The following GREB1L variants were observed in gnomAD, a reference collection of about 807,000 sequenced individuals.
GREB1L encodes the protein GREB1-like protein.
A neutral mutation model predicts 200.8 loss-of-function variants in GREB1L; 17 were observed. The ratio of observed to expected loss-of-function variants is 0.08; its 90% confidence interval spans 0.06 to 0.13. The LOEUF is 0.13. Ranked by LOEUF, GREB1L falls within the 10% of genes least tolerant of loss-of-function variation. The pLI is 1.00. For synonymous variants in GREB1L, 789 were observed against 893.0 expected (o/e 0.88, Z 2.08); for missense variants, 1,657 against 2,367.7 (o/e 0.70, Z 6.23).
chr18:21,365,623 A>G (rs2039660857), intron 1 of GREB1L, among the ~76,000 whole-genome samples: 1 of 152,116 alleles, frequency 6.6e-6, no homozygotes, highest in African/African-American at 2.4e-5. Context: ...GCCGGGTATC[A>G]GGGATTATTA....
chr18:21,377,713 A>G (rs571622584), intron 2 of GREB1L, among the ~76,000 whole-genome samples: 1 of 152,044 alleles, frequency 6.6e-6, no homozygotes, highest in Non-Finnish European at 1.5e-5. Flanking sequence ...AAATTTTTTT[A>G]AAAAATAGTT....
At chr18:21,456,012 T>C (rs2034747740) in intron 15 of GREB1L, among the ~76,000 whole-genome samples, 1 of 148,672 alleles carries the variant, frequency 6.7e-6, no homozygotes, top group Non-Finnish European at 1.5e-5. Context: ...CAAGCAATTC[T>C]CCTGCCTCAG....
intron 1 of GREB1L, among the ~76,000 whole-genome samples, chr18:21,303,366 C>T (rs2038649069): frequency 6.6e-6 from 1 of 152,040 alleles, no homozygotes; most frequent in Non-Finnish European, 1.5e-5. Flanking sequence ...GAGAAAAGTT[C>T]CCAAATGGAA....
At chr18:21,500,743 C>A in intron 23 of GREB1L, 101 bp downstream of exon 23, 1 of 780,674 alleles carries the variant, frequency 1.3e-6, no homozygotes, top group Non-Finnish European at 2.0e-6. Flanking sequence ...TTCTACAGTA[C>A]CTAACCTGCA....
chr18:21,374,366 C>T (rs2039990486), intron 2 of GREB1L, among the ~76,000 whole-genome samples: 1 of 152,064 alleles, frequency 6.6e-6, no homozygotes, highest in South Asian at 2.1e-4. Flanking sequence ...TGGAGTATTC[C>T]CTGCCCCAGA....
chr18:21,490,313 G>A lies in GREB1L; in HGVS notation c.2992G>A (p.Glu998Lys), dbSNP rs758445815. ...FEIILGNPAT[E>K]LSVATHFVAR... ...GATCATCCTTGGGAACCCGGCCACC[G>A]AACTCAGTGTTGCAACTCACTTTGT... The change falls in exon 19 of 33, where the codon GAA becomes AAA. Residue 998 changes from glutamate to lysine, a missense_variant. Coordinates refer to ENST00000424526, the MANE Select transcript of GREB1L (RefSeq NM_001142966.3). 144 of 1,551,652 alleles carry A rather than the reference G, an allele frequency of 9.3e-5. 1 individual carries two copies. The East Asian group carries it at 2.1e-3, about 22-fold the overall frequency.
chr18:21,252,185 TAGAACTTTAA>T (rs1192729331), intron 1 of GREB1L, among the ~76,000 whole-genome samples: 1 of 152,230 alleles, frequency 6.6e-6, no homozygotes, highest in Admixed American at 6.5e-5. Flanking sequence ...GATATTACTA[TAGAACTTTAA>T]TCAACATTAA....
At chr18:21,409,453 G>C (rs2030694244) in intron 7 of GREB1L, among the ~76,000 whole-genome samples, 1 of 152,184 alleles carries the variant, frequency 6.6e-6, no homozygotes, top group African/African-American at 2.4e-5. Flanking sequence ...GATTTATGGT[G>C]ATGGTTACAC....
intron 1 of GREB1L, among the ~76,000 whole-genome samples, chr18:21,323,739 C>T (rs545942942): frequency 1.5e-4 from 23 of 152,196 alleles, no homozygotes; most frequent in Non-Finnish European, 2.8e-4. Context: ...AGCAAGACCC[C>T]ATCTCTAAAA....
intron 1 of GREB1L, among the ~76,000 whole-genome samples, chr18:21,294,769 AT>A (rs2038501452): frequency 6.6e-6 from 1 of 152,208 alleles, no homozygotes; most frequent in Non-Finnish European, 1.5e-5. Context: ...AGTCATTAGC[AT>A]TCTCATTTCA....
At chr18:21,340,816 T>A (rs2039259188) in intron 1 of GREB1L, among the ~76,000 whole-genome samples, 1 of 152,172 alleles carries the variant, frequency 6.6e-6, no homozygotes, top group African/African-American at 2.4e-5. Flanking sequence ...GTGCTGGGAT[T>A]ACAGGCGTTG....
In GREB1L at chr18:21,435,729, G is replaced by A. The variant is rs72882820; in HGVS notation, c.833-3792G>A. On this transcript the variant is annotated intron_variant, in intron 7 of 32. Coordinates refer to ENST00000424526, the MANE Select transcript of GREB1L (RefSeq NM_001142966.3). ...CCATAAAATGCAAAGCTCAAAAAGT[G>A]GCAAGAGGTGAGTGGGTGGTGGTTA... Among the ~76,000 whole-genome samples the A allele has an allele frequency of 3.1e-3, 473 of 152,296 alleles. 3 individuals carry two copies. The highest frequency in any genetic ancestry group is 5.5e-3 in the Non-Finnish European group (375 of 68,022).
At chr18:21,358,419 G>A (rs1232390181) in intron 1 of GREB1L, among the ~76,000 whole-genome samples, 1 of 152,160 alleles carries the variant, frequency 6.6e-6, no homozygotes, top group East Asian at 1.9e-4. Flanking sequence ...GGGTTCAAGC[G>A]ATTCTCCTGC....
At chr18:21,278,387 AAAAAAT>A (rs1415861436) in intron 1 of GREB1L, among the ~76,000 whole-genome samples, 9 of 139,336 alleles carry the variant, frequency 6.5e-5, no homozygotes, top group African/African-American at 2.4e-4. Context: ...TCTCAAAAAA[AAAAAAT>A]AAATAAATAA....
At chr18:21,375,323 A>G (rs1301813666) in intron 2 of GREB1L, among the ~76,000 whole-genome samples, 1 of 152,014 alleles carries the variant, frequency 6.6e-6, no homozygotes, top group Non-Finnish European at 1.5e-5. Context: ...CAGCCTCCCA[A>G]AGTGCTGGGA....
At chr18:21,438,688 G>A (rs2033696437) in intron 7 of GREB1L, among the ~76,000 whole-genome samples, 1 of 151,686 alleles carries the variant, frequency 6.6e-6, no homozygotes, top group African/African-American at 2.4e-5. Context: ...GCCTGGCACG[G>A]TGGCTCATGC....
At chr18:21,311,409 A>G (rs1446012682) in intron 1 of GREB1L, among the ~76,000 whole-genome samples, 2 of 152,244 alleles carry the variant, frequency 1.3e-5, no homozygotes, top group Non-Finnish European at 2.9e-5. Flanking sequence ...AAGTTATTCC[A>G]ATGGTTTTGG....
At chr18:21,285,022 T>C (rs2038331977) in intron 1 of GREB1L, among the ~76,000 whole-genome samples, 1 of 152,222 alleles carries the variant, frequency 6.6e-6, no homozygotes, top group African/African-American at 2.4e-5. Context: ...TTTTTGATCA[T>C]ATTTGCCTTT....
chr18:21,492,129 A>G (rs984043849), intron 19 of GREB1L, among the ~76,000 whole-genome samples: 11 of 151,726 alleles, frequency 7.2e-5, no homozygotes, highest in Admixed American at 2.6e-4. Context: ...GGCGGATCAC[A>G]AGGTCAGGAG....
Sources: allele counts gnomAD v4.1 joint callset (sites outside exome capture counted in the v4.1 genomes callset), GRCh38; gene constraint gnomAD v4.1.1; transcripts MANE v1.5; gene names NCBI Gene and HGNC (gene_info 2026-07-23, HGNC 2026-07-21).